UBE2H: variants seen among roughly 807,000 people sequenced by gnomAD.
UBE2H encodes ubiquitin-conjugating enzyme E2 H.
A neutral mutation model predicts 29.0 loss-of-function variants in UBE2H; 3 were observed. The ratio of observed to expected loss-of-function variants is 0.10; its 90% CI spans 0.05 to 0.27. The LOEUF (loss-of-function observed/expected upper bound fraction) is 0.27, where lower values mean the gene tolerates loss of function less well. Ranked by LOEUF, UBE2H falls within the 10% of genes least tolerant of loss-of-function variation. The pLI, the probability that UBE2H is intolerant of heterozygous loss-of-function variation, is 1.00. For synonymous variants in UBE2H, 69 were observed against 82.9 expected, an observed-to-expected ratio of 0.83 and a Z score of 0.91; for missense variants, 68 against 228.2, an observed-to-expected ratio of 0.30 and a Z score of 4.52.
intron 5 of UBE2H, among the ~76,000 whole-genome samples, chr7:129,848,790 T>TTGG (rs1168123811): frequency 6.6e-6 from 1 of 151,818 alleles, no homozygotes; most frequent in South Asian, 2.1e-4. Context: ...ACAATTATTT[T>TTGG]TGGTGGTGGT....
chr7:129,952,585 G>A lies in UBE2H; in HGVS notation c.-30C>T, dbSNP rs1062977. 3 of 1,607,566 alleles carry A rather than the reference G, an allele frequency of 1.9e-6. No homozygotes were observed. The highest frequency in any genetic ancestry group is 4.5e-5 in the East Asian group (2 of 44,674). ...TCGCCGCCGCCTCTCTCCCTTCCTC[G>A]GCCCGTCTGTCACGGGCCCGGGGCC... On this transcript the variant is annotated 5_prime_UTR_variant, in exon 1 of 7. Transcript: ENST00000355621.
At chr7:129,892,218 G>T (rs1404634309) in intron 1 of UBE2H, among the ~76,000 whole-genome samples, 2 of 151,680 alleles carry the variant, frequency 1.3e-5, no homozygotes, top group Non-Finnish European at 2.9e-5. Flanking sequence ...CAAAATGCTG[G>T]GATTATAGGC....
intron 1 of UBE2H, among the ~76,000 whole-genome samples, chr7:129,950,954 C>A (rs919099785): frequency 6.6e-6 from 1 of 152,100 alleles, no homozygotes; most frequent in Non-Finnish European, 1.5e-5. Context: ...ATTAGTTGCT[C>A]CGCTCTAATC....
At chr7:129,941,594 A>AT (rs1351608823) in intron 1 of UBE2H, among the ~76,000 whole-genome samples, 3 of 151,818 alleles carry the variant, frequency 2.0e-5, no homozygotes, top group South Asian at 2.1e-4. Context: ...AGTAATATTA[A>AT]TTTTTTTTGA....
chr7:129,891,133 CAA>C (rs200458594), intron 1 of UBE2H, among the ~76,000 whole-genome samples: 2 of 146,094 alleles, frequency 1.4e-5, no homozygotes. Context: ...AAGACTCTCT[CAA>C]AAAAAAAAAT....
chr7:129,952,308 G>A (rs962815437), intron 1 of UBE2H, among the ~76,000 whole-genome samples, 195 bp downstream of exon 1: 4 of 152,170 alleles, frequency 2.6e-5, no homozygotes, highest in Non-Finnish European at 1.5e-5. Flanking sequence ...TCGGGGTGCT[G>A]CGGAGAAAAG....
chr7:129,915,845 C>G (rs745992872), intron 1 of UBE2H, among the ~76,000 whole-genome samples: 70 of 152,226 alleles, frequency 4.6e-4, no homozygotes, highest in Non-Finnish European at 7.9e-4. Flanking sequence ...TCTCAAAATC[C>G]ATAAAAATGT....
At chr7:129,911,632 T>C (rs1245304645) in intron 1 of UBE2H, among the ~76,000 whole-genome samples, 7 of 152,120 alleles carry the variant, frequency 4.6e-5, no homozygotes, top group Middle Eastern at 3.4e-3. Context: ...AATGCACATA[T>C]ATGTTTTTTT....
At chr7:129,928,578 G>C (rs1007627991) in intron 1 of UBE2H, among the ~76,000 whole-genome samples, 39 of 152,210 alleles carry the variant, frequency 2.6e-4, no homozygotes, top group African/African-American at 8.7e-4. Flanking sequence ...ACTCCAGCCT[G>C]CGCGACAAAG....
intron 1 of UBE2H, among the ~76,000 whole-genome samples, chr7:129,917,013 G>A (rs1317769038): frequency 6.7e-6 from 1 of 149,616 alleles, no homozygotes; most frequent in African/African-American, 2.5e-5. Flanking sequence ...CTTCAGCCTG[G>A]GCGACACAGC....
intron 1 of UBE2H, among the ~76,000 whole-genome samples, chr7:129,892,329 G>T (rs1445072127): frequency 2.0e-5 from 3 of 151,600 alleles, no homozygotes; most frequent in Admixed American, 1.3e-4. Flanking sequence ...TTGGCTCACT[G>T]AAACCTCCAC....
intron 1 of UBE2H, among the ~76,000 whole-genome samples, chr7:129,890,964 C>T (rs1409112842): frequency 6.6e-6 from 1 of 151,730 alleles, no homozygotes; most frequent in Admixed American, 6.6e-5. Context: ...GAAACCCCGT[C>T]TCTACTAAAA....
intron 1 of UBE2H, among the ~76,000 whole-genome samples, chr7:129,883,350 C>CAT (rs1463317653): frequency 6.6e-6 from 1 of 152,224 alleles, no homozygotes; most frequent in African/African-American, 2.4e-5. Context: ...TGCACATATG[C>CAT]ATACCCTATG....
intron 1 of UBE2H, among the ~76,000 whole-genome samples, chr7:129,892,142 C>T (rs1463199089): frequency 2.6e-5 from 4 of 151,968 alleles, no homozygotes; most frequent in Admixed American, 2.0e-4. Context: ...TTGGTAGAGA[C>T]GGGGTTTCAC....
rs536796423 is a variant in UBE2H, at chr7:129,834,464, G to C, written c.*473C>G. The C allele has an allele frequency of 1.3e-5, 2 of 154,440 alleles. No individual in the cohort carries two copies. Among genetic ancestry groups the C allele is most frequent in the African/African-American group, 2.4e-5 (1 of 41,440 alleles). 9.6% of individuals were successfully genotyped at this position (154,440 alleles called of 1,614,324 possible). A position where few individuals can be genotyped will look rare whatever the true frequency, so the allele number is the denominator to read the frequency against. On this transcript the variant is annotated 3_prime_UTR_variant, in exon 7 of 7. Coordinates refer to ENST00000355621, the MANE Select transcript of UBE2H (RefSeq NM_003344.4). ...CTCTGATTCTTACATGGCTGGCTCC[G>C]ATGCCCCCACAGCAGGCCTCTTCCT...
At chr7:129,907,139 T>G (rs945352523) in intron 1 of UBE2H, among the ~76,000 whole-genome samples, 1 of 151,518 alleles carries the variant, frequency 6.6e-6, no homozygotes, top group African/African-American at 2.4e-5. Flanking sequence ...GTGTTCTTGT[T>G]TTTTTTTGAG....
intron 3 of UBE2H, among the ~76,000 whole-genome samples, chr7:129,873,009 T>A (rs909681322): frequency 6.6e-6 from 1 of 151,378 alleles, no homozygotes; most frequent in African/African-American, 2.4e-5. Context: ...AGGCCATTAA[T>A]ATAGCTCAGA....
At chr7:129,850,839 AAGAG>A (rs1234667662) in intron 5 of UBE2H, among the ~76,000 whole-genome samples, 5 of 142,432 alleles carry the variant, frequency 3.5e-5, no homozygotes, top group Admixed American at 7.0e-5. Context: ...GAGAGAGAGA[AAGAG>A]AGAGAGAGGG....
At chr7:129,896,579 AT>A (rs1333640785) in intron 1 of UBE2H, among the ~76,000 whole-genome samples, 7 of 151,608 alleles carry the variant, frequency 4.6e-5, no homozygotes, top group Admixed American at 3.3e-4. Context: ...CTCATTTTTT[AT>A]TTTTTGTATA....
Sources: allele counts gnomAD v4.1 joint callset (sites outside exome capture counted in the v4.1 genomes callset), GRCh38; gene constraint gnomAD v4.1.1; transcripts MANE v1.5; gene names NCBI Gene and HGNC (gene_info 2026-07-23, HGNC 2026-07-21).